KDM4C: variants seen among roughly 807,000 people sequenced by gnomAD.
The protein encoded by KDM4C is lysine-specific demethylase 4C.
Under a neutral mutation model 129.3 loss-of-function variants are expected in KDM4C, and 81 were observed. That is an observed-to-expected ratio of 0.63 (90% CI 0.52 to 0.75). The LOEUF is 0.75. KDM4C is among the 30% of genes least tolerant of loss of function. The probability of loss-of-function intolerance (pLI) is 0.00; values close to 1 mark genes in which losing one functional copy is unlikely to be tolerated. For missense variants in KDM4C, 1,457 were observed against 1,304.0 expected, an observed-to-expected ratio of 1.12 and a Z score of -1.81; for synonymous variants, 573 against 456.1, an observed-to-expected ratio of 1.26 and a Z score of -3.26.
intron 8 of KDM4C, among the ~76,000 whole-genome samples, chr9:6,939,317 C>G (rs914449709): frequency 2.0e-5 from 3 of 152,026 alleles, no homozygotes; most frequent in African/African-American, 7.2e-5. Flanking sequence ...AATCTAATGC[C>G]TGATGATCTG....
intron 1 of KDM4C, among the ~76,000 whole-genome samples, chr9:6,722,484 C>T (rs190887654): frequency 6.6e-6 from 1 of 151,672 alleles, no homozygotes; most frequent in Admixed American, 6.6e-5. Flanking sequence ...TTGACGCAAG[C>T]CTGAGCAACA....
intron 17 of KDM4C, among the ~76,000 whole-genome samples, chr9:7,089,983 A>G (rs1835607567): frequency 6.6e-6 from 1 of 152,228 alleles, no homozygotes; most frequent in South Asian, 2.1e-4. Context: ...ATGCCAGTGC[A>G]TCTTCCCTGG....
In KDM4C at chr9:7,174,854, A is replaced by G; in HGVS notation, c.*125A>G. On this transcript the variant is annotated 3_prime_UTR_variant, in exon 22 of 22. Transcript: ENST00000381309. Reference sequence around the variant, plus strand: ...GACAGGGTGTGTCTCTGACAGTGGTAAATCGGGTTTCCAGAGTTTGGTCAC... The same window carrying G: ...GACAGGGTGTGTCTCTGACAGTGGTGAATCGGGTTTCCAGAGTTTGGTCAC... 3.9e-6 allele frequency: 3 copies of G among 763,584 alleles called. No individual in the cohort carries two copies. The highest frequency in any genetic ancestry group is 6.3e-6 in the Non-Finnish European group (3 of 473,738). The allele number at this position is 763,584 out of a possible 1,614,324, so 47.3% of individuals were successfully genotyped here.
intron 8 of KDM4C, among the ~76,000 whole-genome samples, chr9:6,966,990 T>C (rs1356256930): frequency 1.3e-5 from 2 of 152,122 alleles, no homozygotes; most frequent in Non-Finnish European, 2.9e-5. Flanking sequence ...CACTAAAAAA[T>C]TGAATTAGCA....
chr9:7,167,811 A>G (rs1844551661), intron 20 of KDM4C, among the ~76,000 whole-genome samples: 1 of 152,206 alleles, frequency 6.6e-6, no homozygotes, highest in Admixed American at 6.5e-5. Context: ...GTGGCCAGTT[A>G]ATATTATCAT....
chr9:6,817,205 C>A (rs1832270330), intron 4 of KDM4C, among the ~76,000 whole-genome samples: 2 of 141,060 alleles, frequency 1.4e-5, no homozygotes, highest in Admixed American at 1.4e-4. Context: ...GCCCCCCCCC[C>A]CACTTTTTTT....
chr9:7,131,888 C>T (rs1564158287), intron 19 of KDM4C, among the ~76,000 whole-genome samples: 2 of 152,194 alleles, frequency 1.3e-5, no homozygotes, highest in African/African-American at 4.8e-5. Context: ...GGTGATATAC[C>T]TGTAGCATGA....
intron 12 of KDM4C, among the ~76,000 whole-genome samples, chr9:6,991,309 C>G (rs1305025296): frequency 6.6e-6 from 1 of 151,994 alleles, no homozygotes; most frequent in Non-Finnish European, 1.5e-5. Flanking sequence ...GTCTTGAACT[C>G]CTGAGCTCAA....
At chr9:7,102,162 A>G (rs1170098910) in intron 17 of KDM4C, among the ~76,000 whole-genome samples, 1 of 152,124 alleles carries the variant, frequency 6.6e-6, no homozygotes, top group East Asian at 1.9e-4. Flanking sequence ...CTCCACTTAA[A>G]AATGCTTAAT....
intron 1 of KDM4C, among the ~76,000 whole-genome samples, chr9:6,747,051 G>A (rs893208802): frequency 1.3e-5 from 2 of 149,472 alleles, no homozygotes; most frequent in African/African-American, 4.9e-5. Context: ...AAATTAGTCA[G>A]GTGTGGTGGT....
intron 15 of KDM4C, among the ~76,000 whole-genome samples, chr9:7,028,820 G>A (rs1403077802): frequency 6.6e-6 from 1 of 152,152 alleles, no homozygotes. Flanking sequence ...GCTCAGCCAG[G>A]TTTGCTTTCT....
intron 5 of KDM4C, among the ~76,000 whole-genome samples, chr9:6,863,631 C>A (rs568850190): frequency 5.3e-5 from 8 of 151,830 alleles, no homozygotes; most frequent in Non-Finnish European, 8.8e-5. Context: ...CTTGTCTCTA[C>A]TAAAAATACA....
chr9:7,079,535 T>TA (rs1834294348), intron 17 of KDM4C, among the ~76,000 whole-genome samples: 1 of 152,212 alleles, frequency 6.6e-6, no homozygotes, highest in Non-Finnish European at 1.5e-5. Context: ...TTGGCCAGGC[T>TA]GGTCTTGAAC....
chr9:7,137,206 C>G (rs1841304591), intron 19 of KDM4C, among the ~76,000 whole-genome samples: 1 of 152,156 alleles, frequency 6.6e-6, no homozygotes, highest in African/African-American at 2.4e-5. Context: ...CTGTGCCAGC[C>G]TGAGAGCAGA....
chr9:7,078,694 G>T (rs1170795827), intron 17 of KDM4C, among the ~76,000 whole-genome samples: 3 of 152,088 alleles, frequency 2.0e-5, no homozygotes, highest in African/African-American at 7.2e-5. Flanking sequence ...TTTTCTAGAG[G>T]TCCCATAGCC....
At position 6,869,299 on chromosome 9, in the gene KDM4C, C is replaced by G. The variant is rs994959222; in HGVS notation, c.630-10713C>G. 5.9e-5 allele frequency among the ~76,000 whole-genome samples: 9 copies of G among 152,132 alleles called. No individual in the cohort carries two copies. In the South Asian group the frequency reaches 6.2e-4, roughly 11 times the overall value. The stretch of plus-strand genomic sequence containing the variant: ...GTGCGGCTGAGCTCTAGCTGAGTTC[C>G]TTTTCTCAGGGGCTTTTAATCTCAG... On this transcript the variant is annotated intron_variant, in intron 5 of 21. Coordinates refer to ENST00000381309, the MANE Select transcript of KDM4C (RefSeq NM_015061.6).
rs149539171 is a variant in KDM4C at position 6,965,772 on chromosome 9, C to T, written c.922-15153C>T. Among the ~76,000 whole-genome samples the T allele has an allele frequency of 2.4e-3, 370 of 152,286 alleles. 2 individuals are homozygous for T. The highest frequency in any genetic ancestry group is 8.7e-3 in the African/African-American group (362 of 41,554). ...CAGCTTGTTAGATGGAGCCTACCCA[C>T]TTGAGGGAGAGACATCTGCTTTACT... is the stretch of plus-strand genomic sequence containing the variant. On this transcript the variant is annotated intron_variant, in intron 8 of 21. Coordinates refer to ENST00000381309, the MANE Select transcript of KDM4C (RefSeq NM_015061.6).
intron 5 of KDM4C, among the ~76,000 whole-genome samples, chr9:6,863,681 A>G (rs984366321): frequency 1.4e-4 from 22 of 151,986 alleles, no homozygotes; most frequent in African/African-American, 5.1e-4. Context: ...CTGTAGTTCC[A>G]GCTACTCAGA....
chr9:7,082,367 C>G (rs1564093349), intron 17 of KDM4C, among the ~76,000 whole-genome samples: 1 of 152,100 alleles, frequency 6.6e-6, no homozygotes, highest in African/African-American at 2.4e-5. Flanking sequence ...ACACAGAGAG[C>G]CCAAGCAGGC....
Sources: allele counts gnomAD v4.1 joint callset (sites outside exome capture counted in the v4.1 genomes callset), GRCh38; gene constraint gnomAD v4.1.1; transcripts MANE v1.5; gene names NCBI Gene and HGNC (gene_info 2026-07-23, HGNC 2026-07-21).